Variants in MGRN1 observed in about 807,000 individuals in gnomAD.
The protein encoded by MGRN1 is mahogunin ring finger 1.
In MGRN1, 29 loss-of-function variants were observed where a neutral mutation model predicts 69.2. The observed-to-expected ratio is 0.42, with a 90% CI of 0.31 to 0.57. The LOEUF (loss-of-function observed/expected upper bound fraction) is 0.57, where lower values mean the gene tolerates loss of function less well. MGRN1 is among the 20% of genes least tolerant of loss of function. The pLI, the probability that MGRN1 is intolerant of heterozygous loss-of-function variation, is 0.15. For synonymous variants in MGRN1, 470 were observed against 344.2 expected (o/e 1.37, Z -4.04); for missense variants, 998 against 796.2 (o/e 1.25, Z -3.05).
chr16:4,689,775 T>A lies in MGRN1; in HGVS notation c.*867T>A, dbSNP rs2079415284. Reference sequence around the variant, plus strand: ...CCTTGCAGTTCTCTTCTCTTTTTTTTTTTTTTTGAGATGGAGTTTCACTCT... The same window carrying A: ...CCTTGCAGTTCTCTTCTCTTTTTTTATTTTTTTGAGATGGAGTTTCACTCT... On this transcript the variant is annotated 3_prime_UTR_variant, in exon 17 of 17. Coordinates refer to ENST00000262370, the MANE Select transcript of MGRN1 (RefSeq NM_015246.4). 1 of 151,884 alleles carries A rather than the reference T, an allele frequency of 6.6e-6. No homozygotes were observed. The highest frequency in any genetic ancestry group is 2.4e-5 in the African/African-American group (1 of 41,348). The allele number at this position is 151,884 out of a possible 1,614,324, so 9.4% of individuals were successfully genotyped here. A position where few individuals can be genotyped will look rare whatever the true frequency, so the allele number is the denominator to read the frequency against.
chr16:4,663,305 C>T (rs1250563218), intron 5 of MGRN1, among the ~76,000 whole-genome samples: 1 of 151,648 alleles, frequency 6.6e-6, no homozygotes, highest in Non-Finnish European at 1.5e-5. Flanking sequence ...CTCAGGTGAT[C>T]CGCCACCTAG....
intron 3 of MGRN1, among the ~76,000 whole-genome samples, chr16:4,652,259 G>A (rs2078425740): frequency 6.6e-6 from 1 of 152,120 alleles, no homozygotes; most frequent in South Asian, 2.1e-4. Flanking sequence ...CAGCTGTGCC[G>A]CACAGGGACC....
At chr16:4,627,377 C>G (rs1182531985) in intron 1 of MGRN1, among the ~76,000 whole-genome samples, 2 of 152,242 alleles carry the variant, frequency 1.3e-5, no homozygotes, top group Non-Finnish European at 2.9e-5. Flanking sequence ...TTAATATTTG[C>G]TTTGTTTTCA....
At chr16:4,687,578 T>TCCACACACACACACACACAC (rs2079359446) in intron 16 of MGRN1, 1 of 628,106 alleles carries the variant, frequency 1.6e-6, no homozygotes, top group Non-Finnish European at 1.9e-6. Flanking sequence ...AAAAAAAAAA[T>TCCACACACACACACACACAC]ACACACACAC....
intron 16 of MGRN1, chr16:4,686,240 T>TTG: frequency 6.5e-7 from 1 of 1,541,416 alleles, no homozygotes; most frequent in African/African-American, 1.4e-5. Flanking sequence ...TCCGTCTGTC[T>TTG]CTCCCCCTCT....
chr16:4,672,124 T>TTG (rs2078951246), intron 9 of MGRN1, among the ~76,000 whole-genome samples: 2 of 152,202 alleles, frequency 1.3e-5, no homozygotes, highest in African/African-American at 4.8e-5. Context: ...CAGGATGGTC[T>TTG]TGATCTCCTG....
intron 1 of MGRN1, among the ~76,000 whole-genome samples, chr16:4,642,732 G>A (rs923280301): frequency 6.6e-6 from 1 of 151,930 alleles, no homozygotes; most frequent in African/African-American, 2.4e-5. Context: ...CTCCCAAAGT[G>A]CTGGGATTAC....
chr16:4,687,373 CCT>C, intron 16 of MGRN1: 1 of 928,722 alleles, frequency 1.1e-6, no homozygotes, highest in Non-Finnish European at 1.3e-6. Flanking sequence ...ACATAGACCC[CCT>C]CTCTATGAAA....
intron 8 of MGRN1, among the ~76,000 whole-genome samples, chr16:4,670,917 G>A (rs933507574): frequency 6.6e-6 from 1 of 152,206 alleles, no homozygotes; most frequent in Non-Finnish European, 1.5e-5. Context: ...AGGCTTTTTG[G>A]TTGCAAGTGG....
intron 1 of MGRN1, among the ~76,000 whole-genome samples, chr16:4,645,999 CAGAA>C (rs1442245895): frequency 1.3e-5 from 2 of 152,198 alleles, no homozygotes; most frequent in Non-Finnish European, 2.9e-5. Context: ...GACCACGTCT[CAGAA>C]AGACTCGACG....
At chr16:4,647,346 G>A (rs377287222) in intron 1 of MGRN1, among the ~76,000 whole-genome samples, 24 of 152,260 alleles carry the variant, frequency 1.6e-4, no homozygotes, top group South Asian at 6.2e-4. Context: ...GCCCCGCCCC[G>A]TAGGCTGTGT....
At chr16:4,688,638 T>A (rs1374697284) in intron 16 of MGRN1, 158 bp from the exon 17 acceptor site, 1 of 1,414,072 alleles carries the variant, frequency 7.1e-7, no homozygotes, top group Non-Finnish European at 9.3e-7. Flanking sequence ...CCCGGGCCCT[T>A]GGTGTGCTCA....
intron 8 of MGRN1, among the ~76,000 whole-genome samples, chr16:4,670,757 G>T (rs375258151): frequency 6.6e-6 from 1 of 151,910 alleles, no homozygotes; most frequent in Admixed American, 6.6e-5. Flanking sequence ...GTCCCTGCAG[G>T]TACCAGGGGA....
chr16:4,625,846 G>A (rs1328081374), intron 1 of MGRN1, among the ~76,000 whole-genome samples: 1 of 152,218 alleles, frequency 6.6e-6, no homozygotes, highest in Non-Finnish European at 1.5e-5. Flanking sequence ...CTTTGTGGTG[G>A]AAAGGAGAGA....
intron 5 of MGRN1, among the ~76,000 whole-genome samples, chr16:4,660,509 G>A (rs971189258): frequency 1.3e-5 from 2 of 152,242 alleles, no homozygotes; most frequent in African/African-American, 4.8e-5. Context: ...AGCTCACTCA[G>A]AGGCTCCTCA....
At chr16:4,631,211 G>A (rs187183279) in intron 1 of MGRN1, among the ~76,000 whole-genome samples, 2 of 152,186 alleles carry the variant, frequency 1.3e-5, no homozygotes, top group South Asian at 2.1e-4. Flanking sequence ...ATCATTTGTT[G>A]TAGAGACTAT....
chr16:4,689,151 T>C lies in MGRN1; in HGVS notation c.*243T>C, dbSNP rs2079402955. On this transcript the variant is annotated 3_prime_UTR_variant, in exon 17 of 17. Coordinates refer to ENST00000262370, the MANE Select transcript of MGRN1 (RefSeq NM_015246.4). ...AGGACAGCAGCTTTCCATCCCTAGT[T>C]CAGAGCCCCCGTTCCCCAGGGTCCT... 1 of 521,192 alleles carries C rather than the reference T, an allele frequency of 1.9e-6. No homozygotes were observed. The highest frequency in any genetic ancestry group is 3.8e-5 in the Admixed American group (1 of 26,484). The allele number at this position is 521,192 out of a possible 1,614,324, so 32.3% of individuals were successfully genotyped here.
intron 1 of MGRN1, among the ~76,000 whole-genome samples, chr16:4,645,180 A>C (rs1388179234): frequency 6.7e-6 from 1 of 150,106 alleles, no homozygotes; most frequent in Non-Finnish European, 1.5e-5. Context: ...ACGGGAAGAG[A>C]GACAGGGTCT....
chr16:4,676,039 C>T (rs935390415), intron 10 of MGRN1, among the ~76,000 whole-genome samples: 11 of 152,374 alleles, frequency 7.2e-5, no homozygotes, highest in African/African-American at 2.4e-4. Flanking sequence ...AGCTGCAGGA[C>T]ACATGCGCTT....
Sources: gnomAD v4.1 joint callset for allele counts (sites outside exome capture counted in the v4.1 genomes callset) on GRCh38, gnomAD v4.1.1 for gene constraint, MANE v1.5 for transcripts, NCBI Gene and HGNC (gene_info 2026-07-23, HGNC 2026-07-21) for gene names.